Variants in DPP6 observed in about 807,000 individuals in gnomAD.
DPP6 encodes A-type potassium channel modulatory protein DPP6.
DPP6 carries 69 observed loss-of-function variants against 122.6 expected under a neutral mutation model. The observed-to-expected ratio is 0.56, with a 90% CI of 0.46 to 0.69. DPP6 has a LOEUF of 0.69. DPP6 is among the 30% of genes least tolerant of loss of function. The pLI, the probability that DPP6 is intolerant of heterozygous loss-of-function variation, is 0.00. For missense variants in DPP6, 928 were observed against 1,116.9 expected (o/e 0.83, Z 2.41); for synonymous variants, 418 against 433.1 (o/e 0.97, Z 0.43).
At chr7:154,446,043 A>G (rs1167186610) in intron 1 of DPP6, among the ~76,000 whole-genome samples, 171 bp from the exon 2 acceptor site, 1 of 151,822 alleles carries the variant, frequency 6.6e-6, no homozygotes, top group Non-Finnish European at 1.5e-5. Flanking sequence ...CACTGAAGGC[A>G]GAAGGGTGCA....
At chr7:153,873,912 G>A in the DPP6 span, among the ~76,000 whole-genome samples, 8 of 152,202 alleles carry the variant, frequency 5.3e-5, no homozygotes, top group African/African-American at 1.9e-4. Flanking sequence ...TAGACTTGGG[G>A]TCTAAAAGTA....
At chr7:154,136,994 C>T (rs1359954046) in intron 1 of DPP6, among the ~76,000 whole-genome samples, 1 of 152,220 alleles carries the variant, frequency 6.6e-6, no homozygotes, top group Non-Finnish European at 1.5e-5. Context: ...ACCACCCTGT[C>T]TTACCACAGT....
chr7:154,489,800 G>A (rs901970602), intron 3 of DPP6, among the ~76,000 whole-genome samples: 9 of 152,138 alleles, frequency 5.9e-5, no homozygotes, highest in African/African-American at 2.2e-4. Context: ...TAGCTGTGCT[G>A]GTCAGGCCTC....
At chr7:154,229,198 C>T (rs1043364467) in intron 1 of DPP6, among the ~76,000 whole-genome samples, 1 of 152,176 alleles carries the variant, frequency 6.6e-6, no homozygotes, top group Non-Finnish European at 1.5e-5. Context: ...GATTGGTCCA[C>T]TTTTGCTCTG....
chr7:153,861,932 C>T, the DPP6 span, among the ~76,000 whole-genome samples: 1 of 152,184 alleles, frequency 6.6e-6, no homozygotes, highest in Non-Finnish European at 1.5e-5. Context: ...GTAAACATCT[C>T]GATGATGGCT....
chr7:154,778,739 A>ACTT lies in DPP6; in HGVS notation c.1136+5799_1136+5801dup, dbSNP rs1443663143. On this transcript the variant is annotated intron_variant, in intron 10 of 25. Transcript: ENST00000377770. The stretch of plus-strand genomic sequence containing the variant: ...CTCTGTCACCTCCACAACCTCTACA[A>ACTT]CTTCCAACACCACCTTCACCACCAG... Among the ~76,000 whole-genome samples the ACTT allele has an allele frequency of 2.0e-5, 3 of 151,006 alleles. No homozygotes were observed. In the South Asian group the frequency reaches 6.3e-4, roughly 32 times the overall value.
chr7:154,360,181 CTTTA>C (rs1160819926), intron 1 of DPP6, among the ~76,000 whole-genome samples: 2 of 152,256 alleles, frequency 1.3e-5, no homozygotes, highest in African/African-American at 2.4e-5. Flanking sequence ...GTTATATTAA[CTTTA>C]TTTATTCTTA....
chr7:153,808,429 G>A, the DPP6 span, among the ~76,000 whole-genome samples: 1 of 151,812 alleles, frequency 6.6e-6, no homozygotes, highest in Non-Finnish European at 1.5e-5. Flanking sequence ...CTGTGTGTGT[G>A]ACTGTGTGTG....
intron 10 of DPP6, among the ~76,000 whole-genome samples, chr7:154,793,231 T>C (rs947388163): frequency 1.3e-5 from 2 of 152,204 alleles, no homozygotes; most frequent in African/African-American, 4.8e-5. Context: ...GGTGAATGAT[T>C]GAACGCGCAT....
Position 153,887,224 on chromosome 7 carries a change from GGAGCCCCCGGAGCCGGGGCC to G in DPP6, c.-454_-435del, listed in dbSNP as rs1450693367. ...GCTGCACCCCGCACCGCCTGCTGGAGGAGCCCCCGGAGCCGGGGCCGAGCCGCCGGCGTCCCCGAGTGCGC... is the reference window on the plus strand; with the variant it reads ...GCTGCACCCCGCACCGCCTGCTGGAGGAGCCGCCGGCGTCCCCGAGTGCGC... On this transcript the variant is annotated 5_prime_UTR_variant, in exon 1 of 26. Transcript: ENST00000404039. The G allele has an allele frequency of 2.0e-5, 3 of 153,164 alleles. No homozygotes were observed. The East Asian group carries it at 5.8e-4, about 30-fold the overall frequency. 9.5% of individuals were successfully genotyped at this position (153,164 alleles called of 1,614,324 possible). A position where few individuals can be genotyped will look rare whatever the true frequency, so the allele number is the denominator to read the frequency against.
intron 1 of DPP6, among the ~76,000 whole-genome samples, chr7:154,315,593 A>G (rs1391708461): frequency 6.6e-6 from 1 of 152,068 alleles, no homozygotes; most frequent in Non-Finnish European, 1.5e-5. Context: ...AAGCTTACAT[A>G]GATATTGACC....
the DPP6 span, among the ~76,000 whole-genome samples, chr7:153,881,157 T>C: frequency 6.6e-6 from 1 of 152,246 alleles, no homozygotes. Flanking sequence ...AACAACCTAC[T>C]ACTCATCAGT....
At chr7:154,855,181 A>G (rs1802728199) in intron 17 of DPP6, among the ~76,000 whole-genome samples, 1 of 152,164 alleles carries the variant, frequency 6.6e-6, no homozygotes, top group African/African-American at 2.4e-5. Context: ...AGTGGGCAAA[A>G]TAGATTCGTT....
intron 1 of DPP6, among the ~76,000 whole-genome samples, chr7:154,420,328 A>G (rs1419814679): frequency 6.6e-6 from 1 of 152,148 alleles, no homozygotes; most frequent in Admixed American, 6.5e-5. Context: ...AACAGCTAGA[A>G]GAGAGAAGGA....
intron 1 of DPP6, among the ~76,000 whole-genome samples, chr7:154,260,690 G>A (rs1802954557): frequency 6.8e-6 from 1 of 146,214 alleles, no homozygotes; most frequent in Non-Finnish European, 1.5e-5. Context: ...ACATATATAT[G>A]TATAATATAT....
intron 1 of DPP6, among the ~76,000 whole-genome samples, chr7:154,225,464 A>G (rs1386134769): frequency 6.6e-6 from 1 of 152,080 alleles, no homozygotes; most frequent in African/African-American, 2.4e-5. Flanking sequence ...CGTGTTATCC[A>G]GGTTCGTTTT....
chr7:154,527,968 TTTG>T (rs1404336747), intron 3 of DPP6, among the ~76,000 whole-genome samples: 1 of 152,002 alleles, frequency 6.6e-6, no homozygotes, highest in Non-Finnish European at 1.5e-5. Context: ...GAAAAAATAA[TTTG>T]TTATTGTTAT....
chr7:154,639,127 C>T (rs532034340), intron 6 of DPP6, among the ~76,000 whole-genome samples: 40 of 152,266 alleles, frequency 2.6e-4, no homozygotes, highest in African/African-American at 9.6e-4. Context: ...TTCTACTCAG[C>T]TTAGAATACA....
intron 1 of DPP6, among the ~76,000 whole-genome samples, chr7:153,954,051 G>A (rs531290336): frequency 5.3e-5 from 8 of 152,264 alleles, no homozygotes; most frequent in East Asian, 1.9e-4. Flanking sequence ...TCTCCTTCAC[G>A]TAAATGTCAG....
Sources: allele counts gnomAD v4.1 joint callset (sites outside exome capture counted in the v4.1 genomes callset), GRCh38; gene constraint gnomAD v4.1.1; transcripts MANE v1.5; gene names NCBI Gene and HGNC (gene_info 2026-07-23, HGNC 2026-07-21).